Variants in DLGAP2 observed in about 807,000 individuals in gnomAD.
DLGAP2 encodes DLG associated protein 2.
In DLGAP2, 26 loss-of-function variants were observed where a neutral mutation model predicts 100.3. That is an observed-to-expected ratio of 0.26 (90% CI 0.19 to 0.36). The LOEUF is 0.36. DLGAP2 is among the 10% of genes least tolerant of loss of function. The pLI, the probability that DLGAP2 is intolerant of heterozygous loss-of-function variation, is 1.00. For missense variants in DLGAP2, 1,858 were observed against 1,453.2 expected (o/e 1.28, Z -4.53); for synonymous variants, 886 against 630.1 (o/e 1.41, Z -6.08).
At chr8:949,076 C>T (rs1799409448) in intron 2 of DLGAP2, among the ~76,000 whole-genome samples, 1 of 152,132 alleles carries the variant, frequency 6.6e-6, no homozygotes, top group Non-Finnish European at 1.5e-5. Flanking sequence ...GTGACTGCCG[C>T]CGTCTTGAGG....
At chr8:1,529,380 C>A (rs1800907420) in intron 4 of DLGAP2, among the ~76,000 whole-genome samples, 1 of 152,102 alleles carries the variant, frequency 6.6e-6, no homozygotes, top group Admixed American at 6.5e-5. Context: ...TAGATGGAGA[C>A]ACAAAGCCTG....
intron 6 of DLGAP2, among the ~76,000 whole-genome samples, chr8:1,613,383 G>T (rs1797042525): frequency 6.6e-6 from 1 of 151,776 alleles, no homozygotes; most frequent in Non-Finnish European, 1.5e-5. Context: ...CACACTCTGG[G>T]GACTGTGGTG....
At chr8:1,532,257 C>G (rs551146820) in intron 4 of DLGAP2, among the ~76,000 whole-genome samples, 13 of 152,118 alleles carry the variant, frequency 8.5e-5, no homozygotes, top group African/African-American at 3.1e-4. Context: ...GGTCCTGGAA[C>G]GCACTCTTTG....
At chr8:796,680 A>G (rs866593881) in intron 1 of DLGAP2, among the ~76,000 whole-genome samples, 2 of 151,942 alleles carry the variant, frequency 1.3e-5, no homozygotes, top group African/African-American at 2.4e-5. Flanking sequence ...CTGCTTCCCT[A>G]TTTAAACTCC....
chr8:1,472,760 T>A (rs1165331630), intron 3 of DLGAP2, among the ~76,000 whole-genome samples: 1 of 152,104 alleles, frequency 6.6e-6, no homozygotes, highest in Non-Finnish European at 1.5e-5. Flanking sequence ...CTAGCTGGGG[T>A]GACAAGGATG....
At chr8:789,307 G>A (rs1351758047) in intron 1 of DLGAP2, among the ~76,000 whole-genome samples, 7 of 152,192 alleles carry the variant, frequency 4.6e-5, no homozygotes, top group Non-Finnish European at 7.3e-5. Flanking sequence ...CAACCATGGC[G>A]GAAGGCGAAG....
intron 3 of DLGAP2, among the ~76,000 whole-genome samples, chr8:1,452,152 T>C (rs1451239352): frequency 6.6e-6 from 1 of 152,230 alleles, no homozygotes; most frequent in East Asian, 1.9e-4. Flanking sequence ...AGACACTGCC[T>C]CAGTTTGAGG....
intron 3 of DLGAP2, among the ~76,000 whole-genome samples, chr8:1,315,465 A>G (rs1800715717): frequency 6.9e-6 from 1 of 144,012 alleles, no homozygotes. Flanking sequence ...AGTGGTCTAC[A>G]CTCGAGAAAC....
At chr8:1,232,395 G>C (rs893523207) in intron 2 of DLGAP2, among the ~76,000 whole-genome samples, 3 of 152,206 alleles carry the variant, frequency 2.0e-5, no homozygotes, top group African/African-American at 7.2e-5. Flanking sequence ...CATCATTCCA[G>C]GTCTCTGCCC....
At chr8:838,624 A>G (rs1386617343) in intron 1 of DLGAP2, among the ~76,000 whole-genome samples, 1 of 152,190 alleles carries the variant, frequency 6.6e-6, no homozygotes, top group Non-Finnish European at 1.5e-5. Context: ...GACACCAAAA[A>G]AAGGGAAAAG....
chr8:1,283,711 G>T (rs1215792382), intron 3 of DLGAP2, among the ~76,000 whole-genome samples: 1 of 152,096 alleles, frequency 6.6e-6, no homozygotes. Context: ...ATGCCCTTTG[G>T]TCTTGTCACT....
At chr8:1,470,742 CG>C (rs1265751962) in intron 3 of DLGAP2, among the ~76,000 whole-genome samples, 1 of 132 alleles carries the variant, frequency 7.6e-3, no homozygotes, top group Non-Finnish European at 0.014. Context: ...TCCCCTTCCC[CG>C]ACTCCTTCCC....
intron 3 of DLGAP2, among the ~76,000 whole-genome samples, chr8:1,290,554 C>T (rs1179690759): frequency 6.6e-6 from 1 of 152,202 alleles, no homozygotes; most frequent in Non-Finnish European, 1.5e-5. Flanking sequence ...AGACAAGTCA[C>T]CCGCAGAGAC....
At chr8:1,058,072 T>C (rs1159903515) in intron 2 of DLGAP2, among the ~76,000 whole-genome samples, 1 of 152,216 alleles carries the variant, frequency 6.6e-6, no homozygotes, top group Non-Finnish European at 1.5e-5. Flanking sequence ...GATATTACCC[T>C]GCTCTGCCAA....
intron 2 of DLGAP2, among the ~76,000 whole-genome samples, chr8:1,054,466 C>T (rs1306267897): frequency 6.6e-6 from 1 of 152,144 alleles, no homozygotes; most frequent in East Asian, 1.9e-4. Context: ...CTATCATTGT[C>T]AACATAAGTT....
intron 2 of DLGAP2, among the ~76,000 whole-genome samples, chr8:1,123,049 C>T (rs1796086612): frequency 6.6e-6 from 1 of 152,140 alleles, no homozygotes; most frequent in African/African-American, 2.4e-5. Context: ...GGGTTGGGGG[C>T]ACTAAATATT....
chr8:962,230 G>T (rs1799742476), intron 2 of DLGAP2, among the ~76,000 whole-genome samples: 1 of 152,134 alleles, frequency 6.6e-6, no homozygotes, highest in Non-Finnish European at 1.5e-5. Context: ...CAGTGAAAGG[G>T]TCTCCCATCT....
At chr8:1,413,951 T>C (rs181779749) in intron 3 of DLGAP2, among the ~76,000 whole-genome samples, 56 of 152,276 alleles carry the variant, frequency 3.7e-4, no homozygotes, top group African/African-American at 1.2e-3. Context: ...TCGTAAGCTG[T>C]TCACTGAAGA....
At chr8:1,216,418 G>A (rs1798214045) in intron 2 of DLGAP2, among the ~76,000 whole-genome samples, 1 of 151,716 alleles carries the variant, frequency 6.6e-6, no homozygotes, top group African/African-American at 2.4e-5. Flanking sequence ...GCTCAATCTT[G>A]GCTCACTCTA....
Sources: gnomAD v4.1 joint callset for allele counts (sites outside exome capture counted in the v4.1 genomes callset) on GRCh38, gnomAD v4.1.1 for gene constraint, MANE v1.5 for transcripts, NCBI Gene and HGNC (gene_info 2026-07-23, HGNC 2026-07-21) for gene names.